The following SLC10A7 variants were observed in gnomAD, a reference collection of about 807,000 sequenced individuals.
SLC10A7 encodes solute carrier family 10 member 7, also known as sodium/bile acid cotransporter 7.
In SLC10A7, 29 loss-of-function variants were observed where a neutral mutation model predicts 43.2. The observed-to-expected ratio is 0.67, with a 90% CI of 0.50 to 0.92. SLC10A7 has a LOEUF of 0.92. Ranked by LOEUF, SLC10A7 falls within the 40% of genes least tolerant of loss-of-function variation. The pLI is 0.00. For synonymous variants in SLC10A7, 152 were observed against 144.8 expected (o/e 1.05, Z -0.35); for missense variants, 295 against 403.2 (o/e 0.73, Z 2.30).
intron 4 of SLC10A7, among the ~76,000 whole-genome samples, chr4:146,472,509 G>A (rs1733664111): frequency 6.7e-6 from 1 of 149,168 alleles, no homozygotes; most frequent in African/African-American, 2.5e-5. Flanking sequence ...CACTGTCAGT[G>A]CAAAGCAGTT....
chr4:146,474,317 T>A (rs935814510), intron 4 of SLC10A7, among the ~76,000 whole-genome samples: 2 of 152,136 alleles, frequency 1.3e-5, no homozygotes, highest in African/African-American at 4.8e-5. Context: ...CTTCTTGATC[T>A]TTTGGGGATT....
chr4:146,520,983 TAGTCTAAC>T (rs1738578993), intron 1 of SLC10A7, among the ~76,000 whole-genome samples: 1 of 152,106 alleles, frequency 6.6e-6, no homozygotes, highest in Admixed American at 6.6e-5. Flanking sequence ...ACACTACACA[TAGTCTAAC>T]AGTCTGTATC....
At chr4:146,442,691 A>G in intron 5 of SLC10A7, 92 bp downstream of exon 5, 2 of 1,552,046 alleles carry the variant, frequency 1.3e-6, no homozygotes, top group Non-Finnish European at 1.7e-6. Context: ...ACTTAACCAA[A>G]GAGTAAAACA....
chr4:146,340,902 T>C (rs1734218460), intron 5 of SLC10A7, among the ~76,000 whole-genome samples: 1 of 151,834 alleles, frequency 6.6e-6, no homozygotes, highest in East Asian at 1.9e-4. Context: ...ATCAATGGAT[T>C]TACCTAAGTC....
At chr4:146,335,781 G>T (rs965737285) in intron 5 of SLC10A7, among the ~76,000 whole-genome samples, 1 of 152,050 alleles carries the variant, frequency 6.6e-6, no homozygotes, top group East Asian at 1.9e-4. Flanking sequence ...AACACTTCAT[G>T]AACACTATCA....
intron 7 of SLC10A7, among the ~76,000 whole-genome samples, chr4:146,303,263 C>G (rs1267801804): frequency 6.6e-6 from 1 of 152,182 alleles, no homozygotes; most frequent in Non-Finnish European, 1.5e-5. Context: ...CAAGGGTACT[C>G]CCTAGTAAAC....
intron 5 of SLC10A7, among the ~76,000 whole-genome samples, chr4:146,356,561 T>C (rs1735655945): frequency 6.9e-6 from 1 of 144,614 alleles, no homozygotes; most frequent in African/African-American, 2.7e-5. Context: ...AACTGTCCCA[T>C]CTACAACAGA....
At chr4:146,515,140 TTAAG>T (rs1398271108) in intron 2 of SLC10A7, 1 of 702,432 alleles carries the variant, frequency 1.4e-6, no homozygotes, top group South Asian at 1.5e-5. Context: ...CAGAATCGCA[TTAAG>T]TAAGAAGCTA....
At chr4:146,358,207 A>G (rs1490084760) in intron 5 of SLC10A7, among the ~76,000 whole-genome samples, 2 of 152,108 alleles carry the variant, frequency 1.3e-5, no homozygotes, top group African/African-American at 4.8e-5. Flanking sequence ...CTGATTCTAC[A>G]TGGGACAAAA....
intron 5 of SLC10A7, among the ~76,000 whole-genome samples, chr4:146,434,659 G>T (rs1419384773): frequency 2.0e-5 from 3 of 152,196 alleles, no homozygotes; most frequent in African/African-American, 7.2e-5. Flanking sequence ...CACCTCCTGG[G>T]TCCAAGGGAT....
rs79871765 is a variant in SLC10A7, at chr4:146,413,310, G to A, written c.435+29473C>T. 5.4e-4 allele frequency among the ~76,000 whole-genome samples: 82 copies of A among 151,928 alleles called. No homozygotes were observed. The East Asian group carries it at 0.016, about 29-fold the overall frequency. ...TCTTTAGCTTGTTTTTTAAAAATAG[G>A]TTTCACGTAATTTATTAATGTCTTA... On this transcript the variant is annotated intron_variant, in intron 5 of 11. Transcript: ENST00000335472.
chr4:146,280,719 T>A (rs1193501016), intron 10 of SLC10A7, among the ~76,000 whole-genome samples: 2 of 152,196 alleles, frequency 1.3e-5, no homozygotes, highest in South Asian at 2.1e-4. Context: ...TATCTAAACA[T>A]CCCTTGCTGT....
chr4:146,401,295 C>T (rs977476037), intron 5 of SLC10A7, among the ~76,000 whole-genome samples: 1 of 152,164 alleles, frequency 6.6e-6, no homozygotes, highest in African/African-American at 2.4e-5. Context: ...CCACTGTCCT[C>T]CCCAAATTAT....
rs562423151 is a variant in SLC10A7, at chr4:146,516,926, T to C, written c.183+112A>G. On this transcript the variant is annotated intron_variant, in intron 2 of 11. Transcript: ENST00000335472. ...CCGACCAAGTTATCTTCTGCTATAG[T>C]GAATCCTTCAGATTATAGCTATAAA... The C allele has an allele frequency of 1.0e-3, 765 of 754,926 alleles. 8 individuals carry two copies. The South Asian group carries it at 0.011, about 11-fold the overall frequency. The allele number at this position is 754,926 out of a possible 1,614,324, so 46.8% of individuals were successfully genotyped here. A position where few individuals can be genotyped will look rare whatever the true frequency, so the allele number is the denominator to read the frequency against.
intron 5 of SLC10A7, among the ~76,000 whole-genome samples, chr4:146,357,459 T>C (rs1452574188): frequency 6.6e-6 from 1 of 152,210 alleles, no homozygotes; most frequent in African/African-American, 2.4e-5. Context: ...CTTCTTTCCA[T>C]TCAGGAATGC....
intron 6 of SLC10A7, among the ~76,000 whole-genome samples, chr4:146,315,380 G>C (rs908020586): frequency 2.0e-5 from 3 of 152,028 alleles, no homozygotes; most frequent in African/African-American, 7.2e-5. Context: ...CAGTATTAGT[G>C]ATAAACCACA....
chr4:146,347,130 G>T (rs1047382263), intron 5 of SLC10A7, among the ~76,000 whole-genome samples: 9 of 152,112 alleles, frequency 5.9e-5, no homozygotes, highest in African/African-American at 2.2e-4. Context: ...GAGGTGGAAG[G>T]CACCTAAAAA....
chr4:146,514,083 G>A (rs549025269), intron 2 of SLC10A7: 1 of 152,332 alleles, frequency 6.6e-6, no homozygotes, highest in African/African-American at 2.4e-5. Flanking sequence ...GATTTCTCTT[G>A]TAACCCTTTA....
intron 5 of SLC10A7, among the ~76,000 whole-genome samples, chr4:146,424,252 G>A (rs7677647): frequency 0.011 from 1,717 of 152,244 alleles, 28 homozygotes; most frequent in African/African-American, 0.039. Context: ...GGGTCTTGCT[G>A]TGTTGCCCAA....
Sources: allele counts gnomAD v4.1 joint callset (sites outside exome capture counted in the v4.1 genomes callset), GRCh38; gene constraint gnomAD v4.1.1; transcripts MANE v1.5; gene names NCBI Gene and HGNC (gene_info 2026-07-23, HGNC 2026-07-21).